Variants in UGT1A8 observed in about 807,000 individuals in gnomAD.
UGT1A8 encodes UDP glucuronosyltransferase family 1 member A8.
In UGT1A8, 39 loss-of-function variants were observed where a neutral mutation model predicts 45.3. The ratio of observed to expected loss-of-function variants is 0.86; its 90% CI spans 0.67 to 1.12. UGT1A8 has a LOEUF of 1.12. Among genes scored for constraint, UGT1A8 ranks in the 50% most tolerant of loss-of-function variants. The pLI, the probability that UGT1A8 is intolerant of heterozygous loss-of-function variation, is 0.00. For missense variants in UGT1A8, 719 were observed against 664.9 expected (o/e 1.08, Z -0.90); for synonymous variants, 275 against 249.2 (o/e 1.10, Z -0.97).
intron 1 of UGT1A8, among the ~76,000 whole-genome samples, chr2:233,674,949 C>T (rs2074303116): frequency 6.6e-6 from 1 of 152,142 alleles, no homozygotes; most frequent in Non-Finnish European, 1.5e-5. Flanking sequence ...TTGGTTACAT[C>T]TTGCTGGGAA....
At chr2:233,751,528 T>C (rs1694749369) in intron 1 of UGT1A8, among the ~76,000 whole-genome samples, 1 of 152,240 alleles carries the variant, frequency 6.6e-6, no homozygotes, top group Admixed American at 6.5e-5. Context: ...ATGATATGGT[T>C]TGACTCTGTG....
At chr2:233,718,401 C>T (rs1023321432) in intron 1 of UGT1A8, among the ~76,000 whole-genome samples, 2 of 152,202 alleles carry the variant, frequency 1.3e-5, no homozygotes, top group Non-Finnish European at 2.9e-5. Flanking sequence ...TAGCAAATAG[C>T]GTCACATTCA....
At chr2:233,694,193 C>A (rs923236603) in intron 1 of UGT1A8, among the ~76,000 whole-genome samples, 1 of 152,120 alleles carries the variant, frequency 6.6e-6, no homozygotes, top group Non-Finnish European at 1.5e-5. Flanking sequence ...GGAACAGGTC[C>A]AGGTTAAAAT....
intron 1 of UGT1A8, among the ~76,000 whole-genome samples, chr2:233,744,904 C>A (rs2125866723): frequency 6.6e-6 from 1 of 151,988 alleles, no homozygotes; most frequent in Middle Eastern, 3.4e-3. Flanking sequence ...ATACCAAAAT[C>A]TAGATGCTCA....
chr2:233,722,507 T>C lies in UGT1A8; in HGVS notation c.856-44527T>C, dbSNP rs188387982. 9.8e-5 allele frequency among the ~76,000 whole-genome samples: 15 copies of C among 152,358 alleles called. No individual in the cohort carries two copies. The East Asian group carries it at 1.5e-3, about 16-fold the overall frequency. On this transcript the variant is annotated intron_variant, in intron 1 of 4. Transcript: ENST00000373450. The stretch of plus-strand genomic sequence containing the variant: ...ACTGTTTCATTTTCCGTTTCGTTAA[T>C]TGCAGCTTATTTTTGCCTTAATGAT...
chr2:233,719,346 A>C (rs45540231), intron 1 of UGT1A8: 4 of 1,613,698 alleles, frequency 2.5e-6, no homozygotes, highest in Non-Finnish European at 3.4e-6. Flanking sequence ...TTGGAGGTAC[A>C]TTCCATGTGA....
intron 1 of UGT1A8, chr2:233,636,734 A>G: frequency 6.2e-7 from 1 of 1,614,170 alleles, no homozygotes; most frequent in Non-Finnish European, 8.5e-7. Context: ...AGATCACTGA[A>G]TTGCACAGTG....
chr2:233,639,620 G>A (rs1021587582), intron 1 of UGT1A8, among the ~76,000 whole-genome samples: 1 of 152,192 alleles, frequency 6.6e-6, no homozygotes, highest in African/African-American at 2.4e-5. Flanking sequence ...GTATGTGCAG[G>A]TGTGTTTGCG....
chr2:233,679,138 A>G (rs2074441210), intron 1 of UGT1A8, among the ~76,000 whole-genome samples: 1 of 152,148 alleles, frequency 6.6e-6, no homozygotes, highest in Non-Finnish European at 1.5e-5. Context: ...TGATTGAGAG[A>G]CTGAATTAGA....
intron 1 of UGT1A8, chr2:233,760,760 C>G (rs1218181857): frequency 6.2e-7 from 1 of 1,614,064 alleles, no homozygotes; most frequent in African/African-American, 1.3e-5. Context: ...CCTTGCAGCC[C>G]CATCGTGGCC....
At chr2:233,715,749 G>A (rs1295869903) in intron 1 of UGT1A8, among the ~76,000 whole-genome samples, 1 of 152,196 alleles carries the variant, frequency 6.6e-6, no homozygotes, top group Non-Finnish European at 1.5e-5. Flanking sequence ...TCCAGCCTGA[G>A]TGACAGAGCG....
intron 1 of UGT1A8, among the ~76,000 whole-genome samples, chr2:233,630,553 G>T (rs934898495): frequency 1.3e-5 from 2 of 152,056 alleles, no homozygotes; most frequent in African/African-American, 4.8e-5. Context: ...AAGAAAAGAG[G>T]TTTAATTGGC....
At chr2:233,743,542 C>A in intron 1 of UGT1A8, 1 of 1,364,376 alleles carries the variant, frequency 7.3e-7, no homozygotes, top group Non-Finnish European at 9.8e-7. Flanking sequence ...GTTCCTCTGA[C>A]CCCCCCAAAA....
chr2:233,693,679 G>T (rs750041304), intron 1 of UGT1A8: 1 of 1,614,172 alleles, frequency 6.2e-7, no homozygotes, highest in East Asian at 2.2e-5. Context: ...TTTATTGTCT[G>T]TTTTCAAAGT....
intron 1 of UGT1A8, among the ~76,000 whole-genome samples, chr2:233,746,863 G>A (rs1360451687): frequency 6.6e-6 from 1 of 151,770 alleles, no homozygotes; most frequent in Non-Finnish European, 1.5e-5. Flanking sequence ...GCTGCAGCCT[G>A]ATAAACGTGG....
intron 1 of UGT1A8, among the ~76,000 whole-genome samples, chr2:233,746,735 T>A (rs1693464180): frequency 6.6e-6 from 1 of 151,806 alleles, no homozygotes; most frequent in African/African-American, 2.4e-5. Context: ...GGATTCTGCT[T>A]TGGTTCCAAA....
chr2:233,720,069 G>C (rs12463641), intron 1 of UGT1A8, among the ~76,000 whole-genome samples: 12,192 of 152,216 alleles, frequency 0.08, 620 homozygotes, highest in East Asian at 0.2. Flanking sequence ...CAGTAAATTA[G>C]AATTGTGGAC....
chr2:233,635,910 G>A lies in UGT1A8; in HGVS notation c.855+17348G>A, dbSNP rs1216563566. ...ATGGTCACTTTCCATCAAGTCCCTGGTATGGTCCATGGAGGCAGGGTTGTC... is the reference window on the plus strand; with the variant it reads ...ATGGTCACTTTCCATCAAGTCCCTGATATGGTCCATGGAGGCAGGGTTGTC... On this transcript the variant is annotated intron_variant, in intron 1 of 4. Coordinates refer to ENST00000373450, the MANE Select transcript of UGT1A8 (RefSeq NM_019076.5). Among the ~76,000 whole-genome samples the A allele has an allele frequency of 3.3e-5, 5 of 150,848 alleles. No homozygotes were observed. The East Asian group carries it at 7.7e-4, about 23-fold the overall frequency.
intron 1 of UGT1A8, chr2:233,719,040 T>C (rs1243491139): frequency 6.2e-7 from 1 of 1,614,170 alleles, no homozygotes; most frequent in South Asian, 1.1e-5. Flanking sequence ...AGAAGAGAAA[T>C]TTTTCACCCT....
Sources: gnomAD v4.1 joint callset for allele counts (sites outside exome capture counted in the v4.1 genomes callset) on GRCh38, gnomAD v4.1.1 for gene constraint, MANE v1.5 for transcripts, NCBI Gene and HGNC (gene_info 2026-07-23, HGNC 2026-07-21) for gene names.